ADAMTSL1: variants seen among roughly 807,000 people sequenced by gnomAD.
The protein encoded by ADAMTSL1 is ADAMTS-like protein 1.
Under a neutral mutation model 201.8 loss-of-function variants are expected in ADAMTSL1, and 126 were observed. That is an observed-to-expected ratio of 0.62 (90% CI 0.54 to 0.72). ADAMTSL1 has a LOEUF of 0.72. ADAMTSL1 is among the 30% of genes least tolerant of loss of function. The pLI is 0.00. For synonymous variants in ADAMTSL1, 1,121 were observed against 903.4 expected, an observed-to-expected ratio of 1.24 and a Z score of -4.32; for missense variants, 2,679 against 2,277.8, an observed-to-expected ratio of 1.18 and a Z score of -3.59.
At chr9:18,695,324 C>G (rs1057137865) in intron 13 of ADAMTSL1, among the ~76,000 whole-genome samples, 1 of 152,210 alleles carries the variant, frequency 6.6e-6, no homozygotes, top group Non-Finnish European at 1.5e-5. Flanking sequence ...AGATTTGGCT[C>G]TTTTTTACTT....
chr9:18,811,035 AC>A (rs376028481), intron 20 of ADAMTSL1, among the ~76,000 whole-genome samples: 1,439 of 118,896 alleles, frequency 0.012, 110 homozygotes, highest in African/African-American at 0.044. Flanking sequence ...AAAAAAAAAA[AC>A]AAACACCAGC....
At chr9:18,820,561 TC>T (rs1824148952) in intron 21 of ADAMTSL1, among the ~76,000 whole-genome samples, 1 of 152,252 alleles carries the variant, frequency 6.6e-6, no homozygotes, top group Non-Finnish European at 1.5e-5. Context: ...TTTGTCTGTG[TC>T]ATAAGCATAA....
chr9:18,083,183 A>G (rs1209422693), intron 1 of ADAMTSL1, among the ~76,000 whole-genome samples: 1 of 152,198 alleles, frequency 6.6e-6, no homozygotes, highest in African/African-American at 2.4e-5. Flanking sequence ...ATTGAAGGCA[A>G]TATTTGAGGT....
chr9:18,657,991 T>C (rs1828813058), intron 8 of ADAMTSL1, among the ~76,000 whole-genome samples: 2 of 122,478 alleles, frequency 1.6e-5, no homozygotes, highest in Admixed American at 1.6e-4. Flanking sequence ...TTTTTTTTTT[T>C]TGAGACAGAG....
chr9:18,557,127 A>G (rs897138124), intron 3 of ADAMTSL1, among the ~76,000 whole-genome samples: 1 of 151,976 alleles, frequency 6.6e-6, no homozygotes, highest in Non-Finnish European at 1.5e-5. Flanking sequence ...AAAGGCACAG[A>G]TAGTCTTCAC....
At chr9:18,870,540 C>A (rs143370085) in intron 23 of ADAMTSL1, among the ~76,000 whole-genome samples, 1 of 152,120 alleles carries the variant, frequency 6.6e-6, no homozygotes, top group Non-Finnish European at 1.5e-5. Flanking sequence ...TGAAATTCAT[C>A]GCCTTTGTTG....
At chr9:18,612,198 G>A (rs1347908683) in intron 4 of ADAMTSL1, among the ~76,000 whole-genome samples, 1 of 152,192 alleles carries the variant, frequency 6.6e-6, no homozygotes, top group East Asian at 1.9e-4. Flanking sequence ...AAGGACCAGA[G>A]ACATAGCAGG....
At chr9:18,169,618 T>C (rs564587029) in intron 2 of ADAMTSL1, among the ~76,000 whole-genome samples, 1 of 152,186 alleles carries the variant, frequency 6.6e-6, no homozygotes, top group Non-Finnish European at 1.5e-5. Context: ...GGCTCTTTTT[T>C]AGTTCCATAT....
At chr9:18,301,207 G>C (rs1381452616) in intron 2 of ADAMTSL1, among the ~76,000 whole-genome samples, 1 of 152,100 alleles carries the variant, frequency 6.6e-6, no homozygotes, top group Non-Finnish European at 1.5e-5. Flanking sequence ...ATTATAAAGT[G>C]CATATAAATT....
chr9:17,960,099 C>G (rs1817680637), intron 1 of ADAMTSL1, among the ~76,000 whole-genome samples: 1 of 152,158 alleles, frequency 6.6e-6, no homozygotes, highest in Admixed American at 6.5e-5. Flanking sequence ...TTAGCTCCTT[C>G]TTTCCTGTGT....
At chr9:18,390,219 A>G (rs1375135072) in intron 2 of ADAMTSL1, among the ~76,000 whole-genome samples, 1 of 152,170 alleles carries the variant, frequency 6.6e-6, no homozygotes, top group Non-Finnish European at 1.5e-5. Flanking sequence ...TAGTGTCCAT[A>G]AGATTAAAAA....
chr9:18,437,125 G>T (rs1295651269), intron 2 of ADAMTSL1, among the ~76,000 whole-genome samples: 1 of 151,756 alleles, frequency 6.6e-6, no homozygotes, highest in Non-Finnish European at 1.5e-5. Context: ...TTCACATGGA[G>T]GGGGACACTC....
At chr9:18,142,911 A>C (rs947817143) in intron 1 of ADAMTSL1, among the ~76,000 whole-genome samples, 1 of 152,198 alleles carries the variant, frequency 6.6e-6, no homozygotes, top group African/African-American at 2.4e-5. Context: ...TTTCTAGTCT[A>C]TCACACCGGG....
intron 3 of ADAMTSL1, among the ~76,000 whole-genome samples, chr9:18,550,454 G>C (rs1414712981): frequency 2.6e-5 from 4 of 152,006 alleles, no homozygotes; most frequent in African/African-American, 9.6e-5. Flanking sequence ...TGAGATGGAG[G>C]GGGCCGTGGC....
intron 1 of ADAMTSL1, among the ~76,000 whole-genome samples, chr9:18,086,050 C>G (rs10963440): frequency 0.037 from 5,681 of 152,138 alleles, 395 homozygotes; most frequent in East Asian, 0.36. Flanking sequence ...CTTTTGCCCT[C>G]AGCAGCTAGC....
intron 1 of ADAMTSL1, among the ~76,000 whole-genome samples, chr9:18,106,955 G>A (rs1824787940): frequency 6.6e-6 from 1 of 152,106 alleles, no homozygotes; most frequent in East Asian, 1.9e-4. Flanking sequence ...TTCCCACATT[G>A]AAACTTACTT....
At chr9:18,745,373 A>C (rs480627) in intron 15 of ADAMTSL1, among the ~76,000 whole-genome samples, 119,632 of 152,152 alleles carry the variant, frequency 0.79, 47,193 homozygotes, top group Non-Finnish European at 0.82. Flanking sequence ...AAATTGTCCC[A>C]GACAGGACCA....
intron 1 of ADAMTSL1, among the ~76,000 whole-genome samples, chr9:18,064,954 ATTTTTT>A (rs563021690): frequency 1.7e-4 from 12 of 69,014 alleles, no homozygotes; most frequent in East Asian, 1.4e-3. Flanking sequence ...TTTGCTAAAG[ATTTTTT>A]TTTTTTTTTT....
At chr9:18,278,350 C>G (rs564007485) in intron 2 of ADAMTSL1, among the ~76,000 whole-genome samples, 1 of 152,164 alleles carries the variant, frequency 6.6e-6, no homozygotes, top group Non-Finnish European at 1.5e-5. Flanking sequence ...AGGTAATGAA[C>G]TTCCACAGCT....
Sources: allele counts gnomAD v4.1 joint callset (sites outside exome capture counted in the v4.1 genomes callset), GRCh38; gene constraint gnomAD v4.1.1; transcripts MANE v1.5; gene names NCBI Gene and HGNC (gene_info 2026-07-23, HGNC 2026-07-21).